The following INTS10 variants were observed in gnomAD, a reference collection of about 807,000 sequenced individuals.
The protein encoded by INTS10 is integrator complex subunit 10.
A neutral mutation model predicts 94.4 loss-of-function variants in INTS10; 44 were observed. The observed-to-expected ratio is 0.47, with a 90% CI of 0.37 to 0.60. The LOEUF (loss-of-function observed/expected upper bound fraction) is 0.60. Ranked by LOEUF, INTS10 falls within the 20% of genes least tolerant of loss-of-function variation. INTS10 has a pLI of 0.00. For synonymous variants in INTS10, 341 were observed against 320.7 expected (o/e 1.06, Z -0.68); for missense variants, 797 against 868.7 (o/e 0.92, Z 1.04).
Position 19,819,644 on chromosome 8 carries a change from A to G in INTS10, c.269A>G (p.Asp90Gly), listed in dbSNP as rs916278285. The G allele has an allele frequency of 6.2e-7, 1 of 1,613,628 alleles. No individual in the cohort carries two copies. The highest frequency in any genetic ancestry group is 2.2e-5 in the East Asian group (1 of 44,832). Residue 90 changes from aspartate to glycine, a missense_variant, in exon 3 of 17, where the codon GAT becomes GGT. By Grantham distance (94) the Asp-to-Gly change is moderately conservative (BLOSUM62 -1). Transcript: ENST00000397977. ...ISIITSALRN[D>G]SQDKQTQFLR... is the part of the protein sequence containing the mutation. ...ATTATTACATCAGCATTAAGGAACG[A>G]TTCACAGGACAAACAAACCCAATTT... is the stretch of plus-strand genomic sequence containing the variant.
chr8:19,838,185 A>G (rs571342607), intron 13 of INTS10, among the ~76,000 whole-genome samples: 38 of 152,148 alleles, frequency 2.5e-4, no homozygotes, highest in African/African-American at 8.2e-4. Context: ...GTGAAACCCC[A>G]TCTCTACTAA....
At chr8:19,841,825 A>C (rs1165622408) in intron 13 of INTS10, 1 of 456,054 alleles carries the variant, frequency 2.2e-6, no homozygotes, top group Admixed American at 2.3e-5. Flanking sequence ...TTTCATTTAC[A>C]GGGTCATGAG....
At chr8:19,837,295 G>A in intron 13 of INTS10, 135 bp downstream of exon 13, 1 of 657,844 alleles carries the variant, frequency 1.5e-6, no homozygotes, top group Non-Finnish European at 2.7e-6. Flanking sequence ...TTTGAGACCA[G>A]CCTGGGCAAT....
chr8:19,823,553 G>T, intron 6 of INTS10, 112 bp downstream of exon 6: 1 of 800,844 alleles, frequency 1.2e-6, no homozygotes, highest in South Asian at 1.6e-5. Context: ...CAGTTTGGGA[G>T]TGTTTCAAAA....
At position 19,843,134 on chromosome 8, in the gene INTS10, C is replaced by T. The variant is rs1038965635; in HGVS notation, c.1719+207C>T. Among the ~76,000 whole-genome samples the T allele has an allele frequency of 2.0e-5, 3 of 152,146 alleles. No homozygotes were observed. The highest frequency in any genetic ancestry group is 2.1e-4 in the South Asian group (1 of 4,832). On this transcript the variant is annotated intron_variant, in intron 14 of 16. Coordinates refer to ENST00000397977, the MANE Select transcript of INTS10 (RefSeq NM_018142.4). This position sits in a 1 kb window ranked among gnomAD's most constrained non-coding sequence, Gnocchi z 4.7. The stretch of plus-strand genomic sequence containing the variant: ...GCAAAGAGAAGTAGGAAGTTCTCCC[C>T]GTCCTCAAAAAGTGTAATAGTGGGA...
chr8:19,823,852 T>C, intron 6 of INTS10, 21 bp from the exon 7 acceptor site: 2 of 1,561,652 alleles, frequency 1.3e-6, no homozygotes, highest in Non-Finnish European at 1.7e-6. Context: ...AATTGTAGGC[T>C]ACTTTTTTCT....
intron 5 of INTS10, 103 bp downstream of exon 5, chr8:19,822,623 T>C (rs927479616): frequency 1.0e-5 from 7 of 682,580 alleles, no homozygotes; most frequent in African/African-American, 7.3e-5. Context: ...AGGAGCTTTA[T>C]GTGTTATGGC....
chr8:19,833,581 TTTATTA>T (rs1171005090), intron 12 of INTS10, among the ~76,000 whole-genome samples: 7 of 152,190 alleles, frequency 4.6e-5, no homozygotes, highest in Admixed American at 3.3e-4. Context: ...GATTTTTCTT[TTTATTA>T]TTATTTTTCT....
chr8:19,824,715 T>C (rs1349552311), intron 7 of INTS10, 88 bp from the exon 8 acceptor site: 12 of 826,210 alleles, frequency 1.5e-5, no homozygotes, highest in Non-Finnish European at 2.1e-5. Context: ...ATTTGGTACA[T>C]GTAATGGTAC....
At chr8:19,824,588 AAG>A (rs1208685761) in intron 7 of INTS10, 5 of 472,640 alleles carry the variant, frequency 1.1e-5, no homozygotes, top group Non-Finnish European at 1.5e-5. Flanking sequence ...CTTCAGAGAA[AAG>A]AGAAGCTACT....
Position 19,852,020 on chromosome 8 carries a change from CA to C in INTS10, c.*219del, listed in dbSNP as rs1334257692. On this transcript the variant is annotated 3_prime_UTR_variant, in exon 17 of 17. Transcript: ENST00000397977. ...GTCATTTTTTGTAATTTTTGTAAAA[CA>C]AAAGTACCAATCTGTTTTGTAAATA... is the stretch of plus-strand genomic sequence containing the variant. 2.6e-6 allele frequency: 1 copy of C among 388,556 alleles called. No homozygotes were observed. The highest frequency in any genetic ancestry group is 2.0e-5 in the African/African-American group (1 of 49,970). The allele number at this position is 388,556 out of a possible 1,614,324, so 24.1% of individuals were successfully genotyped here.
At chr8:19,844,279 TC>T in intron 15 of INTS10, 41 bp downstream of exon 15, 1 of 1,369,930 alleles carries the variant, frequency 7.3e-7, no homozygotes, top group Non-Finnish European at 1.0e-6. Flanking sequence ...ATTCTGATTT[TC>T]TTTAGAATGA....
chr8:19,828,333 T>G (rs1589962864), intron 9 of INTS10, among the ~76,000 whole-genome samples: 1 of 151,972 alleles, frequency 6.6e-6, no homozygotes. Context: ...CAACTGGAGT[T>G]GGGGGGTGGC....
At chr8:19,819,750 T>G in intron 3 of INTS10, 74 bp downstream of exon 3, 1 of 1,116,110 alleles carries the variant, frequency 9.0e-7, no homozygotes, top group Non-Finnish European at 1.3e-6. Context: ...CACAAAAAAG[T>G]CACACCTGGG....
rs113444640 is a variant in INTS10, at chr8:19,846,388, G to A, written c.1976+591G>A. Among the ~76,000 whole-genome samples, 2,497 of 151,538 alleles carry A rather than the reference G, an allele frequency of 0.016. 71 individuals carry two copies. The highest frequency in any genetic ancestry group is 0.058 in the African/African-American group (2,384 of 41,222). ...GTGGAGGTTGCAGTGAGCCGAGGTC[G>A]CGCCATTACACTCCAGCCTGGGCAA... On this transcript the variant is annotated intron_variant, in intron 16 of 16. Coordinates refer to ENST00000397977, the MANE Select transcript of INTS10 (RefSeq NM_018142.4). This position sits in a 1 kb window ranked among gnomAD's most constrained non-coding sequence, Gnocchi z 4.2.
intron 9 of INTS10, among the ~76,000 whole-genome samples, chr8:19,829,144 CATT>C (rs1227070323): frequency 1.3e-5 from 2 of 151,956 alleles, no homozygotes; most frequent in Non-Finnish European, 2.9e-5. Flanking sequence ...TTTCTTTTAT[CATT>C]ATTATACTTT....
chr8:19,825,860 A>G (rs1017315066), intron 8 of INTS10, among the ~76,000 whole-genome samples: 2 of 152,212 alleles, frequency 1.3e-5, no homozygotes, highest in African/African-American at 4.8e-5. Flanking sequence ...GCAGATACAT[A>G]ACAAATACAA....
chr8:19,851,034 C>T lies in INTS10; in HGVS notation c.1977-615C>T, dbSNP rs1274611185. Reference sequence around the variant, plus strand: ...GCCACATTCTTGTGTCAGGACCCCACCTCCCGCTGCGTTTTCTTCAACATA... The same window carrying T: ...GCCACATTCTTGTGTCAGGACCCCATCTCCCGCTGCGTTTTCTTCAACATA... On this transcript the variant is annotated intron_variant, in intron 16 of 16. Coordinates refer to ENST00000397977, the MANE Select transcript of INTS10 (RefSeq NM_018142.4). This position sits in a 1 kb window ranked among gnomAD's most constrained non-coding sequence, Gnocchi z 5.0. Among the ~76,000 whole-genome samples, 3 of 152,196 alleles carry T rather than the reference C, an allele frequency of 2.0e-5. No individual in the cohort carries two copies. The highest frequency in any genetic ancestry group is 6.5e-5 in the Admixed American group (1 of 15,276).
chr8:19,837,346 G>A (rs1192939264), intron 13 of INTS10, 186 bp downstream of exon 13: 2 of 567,550 alleles, frequency 3.5e-6, no homozygotes, highest in Non-Finnish European at 3.1e-6. Context: ...AAAAAGAAAA[G>A]AAAAATAGTT....
Sources: allele counts gnomAD v4.1 joint callset (sites outside exome capture counted in the v4.1 genomes callset), GRCh38; gene constraint gnomAD v4.1.1; non-coding constraint Gnocchi (gnomAD v3.1); transcripts MANE v1.5; gene names NCBI Gene and HGNC (gene_info 2026-07-23, HGNC 2026-07-21).